WDR36: variants seen among roughly 807,000 people sequenced by gnomAD.
WDR36 encodes WD repeat domain 36, also known as WD repeat-containing protein 36.
Under a neutral mutation model 112.7 loss-of-function variants are expected in WDR36, and 63 were observed. The ratio of observed to expected loss-of-function variants is 0.56; its 90% confidence interval spans 0.46 to 0.69. The LOEUF is 0.69. WDR36 is among the 30% of genes least tolerant of loss of function. The probability of loss-of-function intolerance (pLI) is 0.00; values close to 1 mark genes in which losing one functional copy is unlikely to be tolerated. For synonymous variants in WDR36, 410 were observed against 362.2 expected, an observed-to-expected ratio of 1.13 and a Z score of -1.50; for missense variants, 1,226 against 1,070.3, an observed-to-expected ratio of 1.15 and a Z score of -2.03.
intron 17 of WDR36, 110 bp downstream of exon 17, chr5:111,119,230 T>G (rs1174618180): frequency 4.7e-6 from 4 of 858,662 alleles, no homozygotes; most frequent in Non-Finnish European, 8.0e-6. Flanking sequence ...TAAATGGAAA[T>G]GTCACAAGTT....
intron 21 of WDR36, 116 bp downstream of exon 21, chr5:111,124,305 G>T: frequency 1.1e-6 from 1 of 922,732 alleles, no homozygotes; most frequent in South Asian, 1.9e-5. Context: ...AAATCAAAAA[G>T]ATTGAAATTT....
chr5:111,099,461 T>G (rs1753070715), intron 4 of WDR36, among the ~76,000 whole-genome samples: 2 of 69,130 alleles, frequency 2.9e-5, no homozygotes, highest in African/African-American at 1.4e-4. Flanking sequence ...GTTTTTTTTT[T>G]TGTTTTTTTT....
rs1343057370 is a variant in WDR36, at chr5:111,127,074, T to C, written c.*191T>C. ...CCTCCCGGCCAGGCATGATGGATAA[T>C]GCCTGTAATTCCAGCACTTTCAGAG... On this transcript the variant is annotated 3_prime_UTR_variant, in exon 23 of 23. Coordinates refer to ENST00000513710, the MANE Select transcript of WDR36 (RefSeq NM_139281.3). 3.0e-5 allele frequency: 16 copies of C among 540,126 alleles called. No individual in the cohort carries two copies. The highest frequency in any genetic ancestry group is 2.0e-5 in the African/African-American group (1 of 50,954). The allele number at this position is 540,126 out of a possible 1,614,324, so 33.5% of individuals were successfully genotyped here.
intron 4 of WDR36, among the ~76,000 whole-genome samples, chr5:111,099,181 T>C (rs1753058781): frequency 6.6e-6 from 1 of 152,138 alleles, no homozygotes; most frequent in African/African-American, 2.4e-5. Flanking sequence ...TTTCACCTTT[T>C]AGTAAAGGAG....
chr5:111,117,666 C>G (rs1237381094), intron 16 of WDR36, among the ~76,000 whole-genome samples: 2 of 152,078 alleles, frequency 1.3e-5, no homozygotes, highest in African/African-American at 4.8e-5. Context: ...TGTGAAGATT[C>G]GATTAGTTAG....
At chr5:111,115,723 C>G (rs1289960556) in intron 16 of WDR36, among the ~76,000 whole-genome samples, 1 of 152,106 alleles carries the variant, frequency 6.6e-6, no homozygotes, top group Non-Finnish European at 1.5e-5. Flanking sequence ...TATTAACATA[C>G]AGGTATATCC....
intron 3 of WDR36, 52 bp downstream of exon 3, chr5:111,097,231 A>G (rs184149786): frequency 4.4e-5 from 59 of 1,329,746 alleles, no homozygotes; most frequent in Middle Eastern, 1.8e-4. Flanking sequence ...TTGTCATGAT[A>G]GTGGAGGGAA....
chr5:111,123,041 G>A (rs758448605), intron 19 of WDR36, among the ~76,000 whole-genome samples: 33 of 151,962 alleles, frequency 2.2e-4, no homozygotes, highest in African/African-American at 5.3e-4. Context: ...CCCGGGAGGC[G>A]GAGGTTGCAG....
chr5:111,095,030 TA>T, intron 2 of WDR36, 83 bp downstream of exon 2: 2 of 1,310,154 alleles, frequency 1.5e-6, no homozygotes, highest in Non-Finnish European at 2.1e-6. Flanking sequence ...ACAGAGCATA[TA>T]AGGAAGCCAA....
Position 111,119,050 on chromosome 5 carries a change from A to T in WDR36, c.1834A>T (p.Asn612Tyr), listed in dbSNP as rs1159619617. The T allele has an allele frequency of 6.2e-7, 1 of 1,613,314 alleles. No individual in the cohort carries two copies. Among genetic ancestry groups the T allele is most frequent in the East Asian group, 2.2e-5 (1 of 44,852 alleles). The change falls in exon 17 of 23, where the codon AAT (asparagine) becomes TAT (tyrosine). Residue 612 changes from asparagine to tyrosine, a missense_variant. Asn to Tyr is a moderately radical substitution (Grantham distance 143). Transcript: ENST00000513710. ...DCFLLDSAPL[N>Y]VSMSPTGDFL... ...CTTTTTGTTGGACTCGGCTCCTCTC[A>T]ATGTTTCTATGTCTCCTACTGGAGA...
At chr5:111,115,605 G>A (rs1439557785) in intron 16 of WDR36, among the ~76,000 whole-genome samples, 1 of 152,036 alleles carries the variant, frequency 6.6e-6, no homozygotes, top group Non-Finnish European at 1.5e-5. Context: ...TAATTAGTAT[G>A]ACAACCTTTG....
At chr5:111,111,624 A>G (rs567589975) in intron 15 of WDR36, 4 of 241,410 alleles carry the variant, frequency 1.7e-5, no homozygotes, top group Non-Finnish European at 3.3e-5. Flanking sequence ...CTATGTATGG[A>G]ATGAATTAAT....
intron 19 of WDR36, among the ~76,000 whole-genome samples, chr5:111,121,353 G>T (rs1753563219): frequency 1.3e-5 from 2 of 152,174 alleles, no homozygotes; most frequent in African/African-American, 4.8e-5. Flanking sequence ...ACACTCAGCA[G>T]ACATTTGGAT....
intron 21 of WDR36, 126 bp downstream of exon 21, chr5:111,124,315 T>C: frequency 1.2e-6 from 1 of 830,224 alleles, no homozygotes. Flanking sequence ...GATTGAAATT[T>C]TGGTTTTAAT....
At chr5:111,095,025 G>A in intron 2 of WDR36, 78 bp downstream of exon 2, 2 of 1,359,230 alleles carry the variant, frequency 1.5e-6, no homozygotes, top group Non-Finnish European at 2.0e-6. Context: ...GACTTACAGA[G>A]CATATAAGGA....
chr5:111,108,106 G>A (rs1455684691), intron 12 of WDR36, among the ~76,000 whole-genome samples: 1 of 151,236 alleles, frequency 6.6e-6, no homozygotes. Context: ...AACATGGGGT[G>A]TTTTTCCATT....
chr5:111,098,925 A>C (rs902694487), intron 4 of WDR36, 86 bp downstream of exon 4: 1 of 982,748 alleles, frequency 1.0e-6, no homozygotes, highest in Non-Finnish European at 1.6e-6. Flanking sequence ...TCTATGCCAG[A>C]GATTTTGCCT....
chr5:111,110,879 CTTTAAAAACAAAAT>C lies in WDR36; in HGVS notation c.1539_1552del (p.Lys513AsnfsTer17). The C allele has an allele frequency of 6.2e-7, 1 of 1,611,676 alleles. No homozygotes were observed. The highest frequency in any genetic ancestry group is 8.5e-7 in the Non-Finnish European group (1 of 1,178,496). On this transcript the variant is annotated frameshift_variant, in exon 14 of 23. Transcript: ENST00000513710. LOFTEE classifies it high-confidence loss of function. ...GTGAAGGATTACTCAAATTCTGGAA[CTTTAAAAACAAAAT>C]TTTAATCCATTCTGTGAGCCTCAGT...
intron 6 of WDR36, 63 bp downstream of exon 6, chr5:111,102,462 G>C: frequency 6.7e-7 from 1 of 1,489,488 alleles, no homozygotes; most frequent in South Asian, 1.1e-5. Flanking sequence ...TCAGTTTCAG[G>C]AATCAATCAT....
Sources: allele counts gnomAD v4.1 joint callset (sites outside exome capture counted in the v4.1 genomes callset), GRCh38; gene constraint gnomAD v4.1.1; transcripts MANE v1.5; gene names NCBI Gene and HGNC (gene_info 2026-07-23, HGNC 2026-07-21).